The following MYO1A variants were observed in gnomAD, a reference collection of about 807,000 sequenced individuals.
MYO1A encodes myosin IA.
Under a neutral mutation model 138.5 loss-of-function variants are expected in MYO1A, and 127 were observed. The ratio of observed to expected loss-of-function variants is 0.92; its 90% CI spans 0.79 to 1.06. The LOEUF (loss-of-function observed/expected upper bound fraction) is 1.06, where lower values mean the gene tolerates loss of function less well. MYO1A is among the 50% of genes least tolerant of loss of function. The probability of loss-of-function intolerance (pLI) is 0.00; values close to 1 mark genes in which losing one functional copy is unlikely to be tolerated. For missense variants in MYO1A, 1,211 were observed against 1,288.8 expected (o/e 0.94, Z 0.92); for synonymous variants, 477 against 497.5 (o/e 0.96, Z 0.55).
chr12:57,040,374 G>T (rs547935280), intron 14 of MYO1A, among the ~76,000 whole-genome samples: 1 of 152,136 alleles, frequency 6.6e-6, no homozygotes, highest in African/African-American at 2.4e-5. Flanking sequence ...TTGCATATGC[G>T]TAAGGACTTC....
At chr12:57,041,034 C>T (rs2030833241) in intron 14 of MYO1A, 150 bp downstream of exon 14, 2 of 679,702 alleles carry the variant, frequency 2.9e-6, no homozygotes, top group Admixed American at 4.2e-5. Context: ...CTTGGTAATG[C>T]TGGAATGATC....
Position 57,041,251 on chromosome 12 carries a change from T to G in MYO1A, c.1202A>C (p.Asn401Thr). The G allele has an allele frequency of 6.2e-7, 1 of 1,614,118 alleles. No homozygotes were observed. The highest frequency in any genetic ancestry group is 8.5e-7 in the Non-Finnish European group (1 of 1,180,014). The change falls in exon 14 of 28, where the codon AAT (asparagine) becomes ACT (threonine). Residue 401 changes from asparagine (N) to threonine (T), a missense_variant. Coordinates refer to ENST00000300119, the MANE Select transcript of MYO1A (RefSeq NM_005379.4). ...SFEQFVINYCNEKLQQVFIEM... is the reference protein window; with the variant it reads ...SFEQFVINYCTEKLQQVFIEM... ...TATGAACACCTGCTGCAGCTTCTCATTGCAGTAGTTGATCACAAATTGCTC... is the reference window on the plus strand; with the variant it reads ...TATGAACACCTGCTGCAGCTTCTCAGTGCAGTAGTTGATCACAAATTGCTC...
rs1277973071 is a variant in MYO1A at position 57,038,909 on chromosome 12, T to C, written c.1433A>G (p.Lys478Arg). 1.2e-6 allele frequency: 2 copies of C among 1,614,194 alleles called. No individual in the cohort carries two copies. Among genetic ancestry groups the C allele is most frequent in the African/African-American group, 1.3e-5 (1 of 75,046 alleles). Residue 478 changes from lysine to arginine, a missense_variant, in exon 16 of 28, where the codon AAG (lysine) becomes AGG (arginine). Physicochemically the swap from Lys to Arg is conservative, Grantham distance 26. Transcript: ENST00000300119. ...FLAKLNQLFS[K>R]HGHYESKVTQ... is the part of the protein sequence containing the mutation. ...GACTTTGCTCTCGTAGTGGCCATGC[T>C]TGGAGAAGAGCTGGTTCAGCTTTGC...
chr12:57,047,958 C>T (rs1437276878), intron 3 of MYO1A, 31 bp downstream of exon 3: 1 of 1,599,422 alleles, frequency 6.3e-7, no homozygotes, highest in East Asian at 2.2e-5. Context: ...AGCTGGGGCC[C>T]TGTCAGCCTT....
chr12:57,043,143 C>G lies in MYO1A; in HGVS notation c.1027G>C (p.Asp343His). The change falls in exon 12 of 28, where the codon GAC becomes CAC. Residue 343 changes from aspartate (D) to histidine (H), a missense_variant. Transcript: ENST00000300119. The part of the protein sequence containing the change: ...LNVMQAQYAR[D>H]ALAKNIYSRL... ...CTGTAGATGTTCTTAGCCAGGGCGT[C>G]CCGAGCATACTGAGCCTGTGGGTGA... The G allele has an allele frequency of 6.2e-7, 1 of 1,614,164 alleles. No homozygotes were observed. Among genetic ancestry groups the G allele is most frequent in the Non-Finnish European group, 8.5e-7 (1 of 1,180,040 alleles).
intron 27 of MYO1A, 89 bp downstream of exon 27, chr12:57,029,043 A>G: frequency 9.9e-6 from 16 of 1,611,316 alleles, no homozygotes; most frequent in Non-Finnish European, 1.4e-5. Flanking sequence ...GCACTGCCCT[A>G]CATGCTTCGC....
chr12:57,036,867 A>G (rs2136442624), intron 20 of MYO1A, 27 bp from the exon 21 acceptor site: 1 of 1,614,184 alleles, frequency 6.2e-7, no homozygotes, highest in Non-Finnish European at 8.5e-7. Flanking sequence ...AGTTGTTAGA[A>G]AAATGGCACC....
chr12:57,041,886 G>A (rs1282208027), intron 12 of MYO1A, among the ~76,000 whole-genome samples: 3 of 152,136 alleles, frequency 2.0e-5, no homozygotes, highest in African/African-American at 7.2e-5. Flanking sequence ...ATTTCAGAAG[G>A]ATAGGTACTT....
chr12:57,047,176 T>C (rs1392394057), intron 5 of MYO1A, 69 bp from the exon 6 acceptor site: 4 of 1,600,010 alleles, frequency 2.5e-6, no homozygotes, highest in Admixed American at 1.7e-5. Flanking sequence ...CCAGTCCTCA[T>C]GACAATCTCA....
intron 21 of MYO1A, 78 bp from the exon 22 acceptor site, chr12:57,036,459 G>A (rs943586253): frequency 2.8e-5 from 38 of 1,372,126 alleles, no homozygotes; most frequent in Middle Eastern, 1.8e-4. Flanking sequence ...TTTCAACCAC[G>A]CAAAGACCTG....
intron 27 of MYO1A, 29 bp from the exon 28 acceptor site, chr12:57,028,910 G>T: frequency 6.2e-7 from 1 of 1,612,744 alleles, no homozygotes; most frequent in Non-Finnish European, 8.5e-7. Context: ...ACCAAGTCTA[G>T]TGCCCATCCC....
chr12:57,030,272 G>T lies in MYO1A; in HGVS notation c.2529C>A (p.Ile843=). The change falls in exon 24 of 28, where the codon ATC becomes ATA. Residue 843 remains isoleucine (I), a synonymous_variant. Coordinates refer to ENST00000300119, the MANE Select transcript of MYO1A (RefSeq NM_005379.4). ...RDQLSPKQVE[I]LREKLCASEL... Reference sequence around the variant, plus strand: ...CACTGGCACAGAGCTTTTCCCTCAGGATCTCTACCTGCTTCGGGGACAGCT... The same window carrying T: ...CACTGGCACAGAGCTTTTCCCTCAGTATCTCTACCTGCTTCGGGGACAGCT... The T allele has an allele frequency of 1.9e-6, 3 of 1,610,556 alleles. No homozygotes were observed. Among genetic ancestry groups the T allele is most frequent in the Non-Finnish European group, 2.5e-6 (3 of 1,177,828 alleles).
rs1397963925 is a variant in MYO1A at position 57,048,037 on chromosome 12, A to T, written c.182T>A (p.Phe61Tyr). ...YQQLPIYGPE[F>Y]IAKYQDYTFY... ...AGTATAGTCTTGATATTTGGCAATG[A>T]ACTCTGGCCCATAGATGGGAAGCTG... Residue 61 changes from phenylalanine (F) to tyrosine (Y), a missense_variant, in exon 3 of 28, where the codon TTC becomes TAC. By Grantham distance (22) the Phe-to-Tyr change is conservative. Coordinates refer to ENST00000300119, the MANE Select transcript of MYO1A (RefSeq NM_005379.4). 6.2e-7 allele frequency: 1 copy of T among 1,614,196 alleles called. No individual in the cohort carries two copies. Among genetic ancestry groups the T allele is most frequent in the Non-Finnish European group, 8.5e-7 (1 of 1,180,018 alleles).
Position 57,046,850 on chromosome 12 carries a change from G to A in MYO1A, c.541+13C>T. 6.2e-7 allele frequency: 1 copy of A among 1,613,516 alleles called. No homozygotes were observed. The highest frequency in any genetic ancestry group is 8.5e-7 in the Non-Finnish European group (1 of 1,179,482). ...GGTGGAAGACAGGTGAGTGGAATTG[G>A]GGAGACACGTACAGTTTGTGATGAC... On this transcript the variant is annotated intron_variant, in intron 7 of 27. Transcript: ENST00000300119.
chr12:57,036,238 C>G, intron 22 of MYO1A, 69 bp downstream of exon 22: 1 of 1,511,654 alleles, frequency 6.6e-7, no homozygotes. Context: ...TGCCTCTTCT[C>G]AAACCCCTCT....
rs2031191227 is a variant in MYO1A at position 57,048,020 on chromosome 12, C to G, written c.199G>C (p.Asp67His). 5.6e-6 allele frequency: 9 copies of G among 1,614,026 alleles called. No individual in the cohort carries two copies. Among genetic ancestry groups the G allele is most frequent in the Non-Finnish European group, 7.6e-6 (9 of 1,180,000 alleles). Residue 67 changes from aspartate to histidine, a missense_variant, in exon 3 of 28, where the codon GAC (aspartate) becomes CAC (histidine). Physicochemically the swap from Asp to His is moderately conservative, Grantham distance 81 (BLOSUM62 -1). Transcript: ENST00000300119. ...GGCTTCAGCTCATAGAAAGTATAGT[C>G]TTGATATTTGGCAATGAACTCTGGC... ...YGPEFIAKYQ[D>H]YTFYELKPHI...
intron 17 of MYO1A, 119 bp downstream of exon 17, chr12:57,038,291 AGG>A: frequency 8.2e-7 from 1 of 1,226,116 alleles, no homozygotes; most frequent in Non-Finnish European, 1.2e-6. Flanking sequence ...GTTTTCTGTG[AGG>A]AAAGGACCTC....
At chr12:57,039,371 T>C in intron 14 of MYO1A, 97 bp from the exon 15 acceptor site, 2 of 910,414 alleles carry the variant, frequency 2.2e-6, no homozygotes, top group Non-Finnish European at 3.7e-6. Flanking sequence ...ACAAAGGACA[T>C]CAGAAAGCCC....
rs983847622 is a variant in MYO1A, at chr12:57,047,764, C to T, written c.231-43G>A. 3.1e-6 allele frequency: 5 copies of T among 1,611,504 alleles called. No homozygotes were observed. In the African/African-American group the frequency reaches 5.3e-5, roughly 17 times the overall value. On this transcript the variant is annotated intron_variant, in intron 3 of 27. Transcript: ENST00000300119. ...GGCAATGACTATTGTGAAACCAGTTCAAGACACCATCTTTCACTCAATCTC... is the reference window on the plus strand; with the variant it reads ...GGCAATGACTATTGTGAAACCAGTTTAAGACACCATCTTTCACTCAATCTC...
Sources: gnomAD v4.1 joint callset for allele counts (sites outside exome capture counted in the v4.1 genomes callset) on GRCh38, gnomAD v4.1.1 for gene constraint, MANE v1.5 for transcripts, NCBI Gene and HGNC (gene_info 2026-07-23, HGNC 2026-07-21) for gene names.